The following CHODL variants were observed in gnomAD, a reference collection of about 807,000 sequenced individuals.
CHODL encodes chondrolectin, also known as transmembrane protein MT75.
A neutral mutation model predicts 34.5 loss-of-function variants in CHODL; 29 were observed. That is an observed-to-expected ratio of 0.84 (90% CI 0.63 to 1.15). The LOEUF (loss-of-function observed/expected upper bound fraction) is 1.15, where lower values mean the gene tolerates loss of function less well. CHODL is among the 50% of genes most tolerant of loss of function. CHODL has a pLI of 0.00. For synonymous variants in CHODL, 125 were observed against 116.1 expected, an observed-to-expected ratio of 1.08 and a Z score of -0.49; for missense variants, 332 against 332.5, an observed-to-expected ratio of 1.00 and a Z score of 0.01.
At chr21:18,149,618 A>G (rs1601072295) in intron 2 of CHODL, among the ~76,000 whole-genome samples, 1 of 152,328 alleles carries the variant, frequency 6.6e-6, no homozygotes, top group East Asian at 1.9e-4. Flanking sequence ...ATGTCAAGCT[A>G]CATCTCAATG....
chr21:18,149,421 C>A (rs748155137), intron 2 of CHODL, among the ~76,000 whole-genome samples: 2 of 152,096 alleles, frequency 1.3e-5, no homozygotes, highest in Non-Finnish European at 2.9e-5. Context: ...TCCTCATAAC[C>A]GTATCTATCA....
At chr21:17,963,493 G>A (rs181239828) in intron 1 of CHODL, among the ~76,000 whole-genome samples, 2 of 152,294 alleles carry the variant, frequency 1.3e-5, no homozygotes, top group Admixed American at 1.3e-4. Flanking sequence ...TTACATGGTG[G>A]CAGGCAAGAT....
intron 2 of CHODL, among the ~76,000 whole-genome samples, chr21:18,057,618 T>G: frequency 6.6e-6 from 1 of 152,134 alleles, no homozygotes; most frequent in African/African-American, 2.4e-5. Flanking sequence ...TGCACAATGG[T>G]TTTGCTGCCC....
intron 1 of CHODL, among the ~76,000 whole-genome samples, chr21:18,019,420 GATA>G (rs1428531816): frequency 1.4e-5 from 2 of 142,240 alleles, no homozygotes; most frequent in African/African-American, 2.8e-5. Flanking sequence ...ACAATAGAGA[GATA>G]ATATTAAAAA....
At chr21:18,097,266 A>G (rs1326228317) in intron 2 of CHODL, among the ~76,000 whole-genome samples, 1 of 152,146 alleles carries the variant, frequency 6.6e-6, no homozygotes, top group Non-Finnish European at 1.5e-5. Context: ...CAAATTGAAA[A>G]GGAAAAAGTC....
chr21:18,065,749 A>G (rs2146491575), intron 2 of CHODL, among the ~76,000 whole-genome samples: 1 of 152,306 alleles, frequency 6.6e-6, no homozygotes, highest in South Asian at 2.1e-4. Flanking sequence ...AACAAATTTG[A>G]TAGAATATGA....
upstream of CHODL, among the ~76,000 whole-genome samples, chr21:18,242,967 A>T (rs73318219): frequency 3.9e-3 from 591 of 152,218 alleles, no homozygotes; most frequent in African/African-American, 0.013. Flanking sequence ...TTCTTTCCCA[A>T]AGAAGGACCT....
intron 2 of CHODL, among the ~76,000 whole-genome samples, chr21:18,179,849 T>C (rs890541413): frequency 1.3e-5 from 2 of 152,204 alleles, no homozygotes; most frequent in Admixed American, 6.5e-5. Context: ...GTTGACAACA[T>C]ATGACCTTCT....
intron 2 of CHODL, among the ~76,000 whole-genome samples, chr21:18,193,707 AAAAT>A (rs1330732462): frequency 2.2e-4 from 31 of 141,442 alleles, no homozygotes; most frequent in African/African-American, 7.6e-4. Flanking sequence ...GAAAAAAAAA[AAAAT>A]AAAATAAATA....
chr21:17,947,816 G>GA (rs529267460), intron 1 of CHODL, among the ~76,000 whole-genome samples: 27 of 151,716 alleles, frequency 1.8e-4, no homozygotes, highest in African/African-American at 5.8e-4. Flanking sequence ...CTGTCCAAAG[G>GA]AAAAAAAATC....
intron 2 of CHODL, among the ~76,000 whole-genome samples, chr21:18,029,892 A>G (rs977182426): frequency 7.2e-5 from 11 of 152,108 alleles, no homozygotes; most frequent in African/African-American, 1.9e-4. Context: ...CTGTGATAGC[A>G]TTGCAGCCAC....
chr21:17,984,694 A>G (rs2063739995), intron 1 of CHODL, among the ~76,000 whole-genome samples: 1 of 151,968 alleles, frequency 6.6e-6, no homozygotes, highest in South Asian at 2.1e-4. Context: ...CATGTGTGGA[A>G]AGGCTTTCCC....
intron 1 of CHODL, among the ~76,000 whole-genome samples, chr21:17,992,718 G>GTTTTTTTTTTTTTTTTT (rs869044440): frequency 1.7e-5 from 1 of 57,228 alleles, no homozygotes; most frequent in African/African-American, 6.5e-5. Flanking sequence ...TGGTGGAGTT[G>GTTTTTTTTTTTTTTTTT]TTTTTTTTTT....
chr21:18,226,666 TTATTA>T (rs1213680361), intron 2 of CHODL, among the ~76,000 whole-genome samples: 1 of 152,116 alleles, frequency 6.6e-6, no homozygotes, highest in Non-Finnish European at 1.5e-5. Context: ...CATTGAAGTA[TTATTA>T]TATTATCTTT....
intron 2 of CHODL, among the ~76,000 whole-genome samples, chr21:18,057,034 A>T (rs1218231541): frequency 6.6e-6 from 1 of 152,104 alleles, no homozygotes; most frequent in African/African-American, 2.4e-5. Flanking sequence ...CTGTAGGATG[A>T]TATGGGAGAG....
At chr21:18,068,872 C>A (rs1436589923) in intron 2 of CHODL, among the ~76,000 whole-genome samples, 1 of 151,436 alleles carries the variant, frequency 6.6e-6, no homozygotes, top group Admixed American at 6.6e-5. Context: ...GCAAGTTAAT[C>A]TGCTACAGTT....
At chr21:17,923,485 G>A (rs1380789043) in intron 1 of CHODL, among the ~76,000 whole-genome samples, 5 of 130,550 alleles carry the variant, frequency 3.8e-5, no homozygotes, top group African/African-American at 1.2e-4. Flanking sequence ...TTTTTGAGAC[G>A]AAGTCTCGCA....
chr21:18,173,542 T>C (rs1039444574), intron 2 of CHODL, among the ~76,000 whole-genome samples: 1 of 152,204 alleles, frequency 6.6e-6, no homozygotes, highest in African/African-American at 2.4e-5. Flanking sequence ...CAAAATCTAA[T>C]GCTCAGTGTG....
intron 2 of CHODL, among the ~76,000 whole-genome samples, chr21:18,130,597 T>C (rs1372910003): frequency 1.3e-5 from 2 of 149,410 alleles, no homozygotes; most frequent in South Asian, 2.1e-4. Flanking sequence ...TCAGTGGAAA[T>C]AGCATGAGTA....
Sources: allele counts gnomAD v4.1 joint callset (sites outside exome capture counted in the v4.1 genomes callset), GRCh38; gene constraint gnomAD v4.1.1; transcripts MANE v1.5; gene names NCBI Gene and HGNC (gene_info 2026-07-23, HGNC 2026-07-21).